Variants in GPX6 observed in about 807,000 individuals in gnomAD.
The protein encoded by GPX6 is glutathione peroxidase 6, also known as glutathione peroxidase 6 (olfactory).
Under a neutral mutation model 20.0 loss-of-function variants are expected in GPX6, and 21 were observed. That is an observed-to-expected ratio of 1.05 (90% CI 0.74 to 1.51). The LOEUF (loss-of-function observed/expected upper bound fraction) is 1.51, where lower values mean the gene tolerates loss of function less well. Among genes scored for constraint, GPX6 ranks in the 40% most tolerant of loss-of-function variants. The pLI, the probability that GPX6 is intolerant of heterozygous loss-of-function variation, is 0.00. For missense variants in GPX6, 233 were observed against 254.7 expected, an observed-to-expected ratio of 0.91 and a Z score of 0.58; for synonymous variants, 75 against 98.0, an observed-to-expected ratio of 0.77 and a Z score of 1.38.
At position 28,504,190 on chromosome 6, in the gene GPX6, T is replaced by C; in HGVS notation, c.*102A>G. The C allele has an allele frequency of 8.7e-7, 1 of 1,147,792 alleles. No homozygotes were observed. Among genetic ancestry groups the C allele is most frequent in the Non-Finnish European group, 1.3e-6 (1 of 785,118 alleles). The allele number at this position is 1,147,792 out of a possible 1,614,324, so 71.1% of individuals were successfully genotyped here. A position where few individuals can be genotyped will look rare whatever the true frequency, so the allele number is the denominator to read the frequency against. Reference sequence around the variant, plus strand: ...ATGGTTTGGTCATCAGGAGGCTGGGTAGGCACGAGTGTGGAGCAAAGAAGG... The same window carrying C: ...ATGGTTTGGTCATCAGGAGGCTGGGCAGGCACGAGTGTGGAGCAAAGAAGG... On this transcript the variant is annotated 3_prime_UTR_variant, in exon 5 of 5. Transcript: ENST00000361902.
chr6:28,508,077 C>A (rs1762823760), intron 2 of GPX6, among the ~76,000 whole-genome samples: 1 of 152,184 alleles, frequency 6.6e-6, no homozygotes, highest in African/African-American at 2.4e-5. Flanking sequence ...GAGAAGGGAA[C>A]ATGGCAAGTG....
intron 2 of GPX6, among the ~76,000 whole-genome samples, chr6:28,507,591 G>C (rs7743046): frequency 0.41 from 62,469 of 152,104 alleles, 14,222 homozygotes; most frequent in African/African-American, 0.61. Flanking sequence ...TTTTTAGACA[G>C]AGTCTCTCTG....
At chr6:28,507,405 A>G (rs536360949) in intron 2 of GPX6, among the ~76,000 whole-genome samples, 8 of 152,342 alleles carry the variant, frequency 5.3e-5, no homozygotes, top group Middle Eastern at 3.4e-3. Flanking sequence ...ACAGACCTTG[A>G]TTCTATTCCT....
intron 3 of GPX6, 83 bp from the exon 4 acceptor site, chr6:28,505,885 C>T (rs2113597769): frequency 1.0e-6 from 1 of 969,614 alleles, no homozygotes; most frequent in East Asian, 2.4e-5. Flanking sequence ...TTCACTACCA[C>T]AGGAAATTCA....
intron 1 of GPX6, among the ~76,000 whole-genome samples, chr6:28,511,382 G>T (rs758775115): frequency 1.3e-5 from 2 of 152,204 alleles, no homozygotes; most frequent in Non-Finnish European, 2.9e-5. Flanking sequence ...GCCTTTCCAG[G>T]CTTGCCAATG....
At chr6:28,504,606 T>A in intron 4 of GPX6, 108 bp from the exon 5 acceptor site, 1 of 911,456 alleles carries the variant, frequency 1.1e-6, no homozygotes, top group Non-Finnish European at 1.7e-6. Flanking sequence ...CACCATTATG[T>A]ATTTTAATAT....
chr6:28,511,826 G>C (rs1762882365), intron 1 of GPX6, among the ~76,000 whole-genome samples: 1 of 152,372 alleles, frequency 6.6e-6, no homozygotes, highest in Non-Finnish European at 1.5e-5. Flanking sequence ...CTCAGCTTCC[G>C]AGGAGTTGTG....
intron 1 of GPX6, among the ~76,000 whole-genome samples, chr6:28,511,922 C>T (rs1762884517): frequency 6.6e-6 from 1 of 152,158 alleles, no homozygotes; most frequent in Non-Finnish European, 1.5e-5. Context: ...CTCAGCGGGC[C>T]CCGCACTCGG....
At chr6:28,506,144 T>G (rs1205574784) in intron 3 of GPX6, among the ~76,000 whole-genome samples, 168 bp downstream of exon 3, 2 of 152,208 alleles carry the variant, frequency 1.3e-5, no homozygotes, top group Non-Finnish European at 2.9e-5. Context: ...AAAGAGAATA[T>G]TTGAGCACTG....
At chr6:28,515,144 G>C (rs34192187) in intron 1 of GPX6, among the ~76,000 whole-genome samples, 2,722 of 152,262 alleles carry the variant, frequency 0.018, 72 homozygotes, top group African/African-American at 0.055. Flanking sequence ...GGGGTGTGGT[G>C]GTGGGGAGCT....
intron 1 of GPX6, among the ~76,000 whole-genome samples, chr6:28,512,705 A>G (rs1298002237): frequency 6.6e-6 from 1 of 152,116 alleles, no homozygotes; most frequent in Admixed American, 6.6e-5. Context: ...GCTGCTGCTC[A>G]TTCTTGGGGT....
At chr6:28,505,980 G>A (rs1019086917) in intron 3 of GPX6, among the ~76,000 whole-genome samples, 178 bp from the exon 4 acceptor site, 9 of 152,164 alleles carry the variant, frequency 5.9e-5, no homozygotes, top group East Asian at 1.9e-4. Flanking sequence ...GCTTTATGGC[G>A]CCAATAGAGA....
intron 2 of GPX6, 132 bp from the exon 3 acceptor site, chr6:28,506,561 G>A: frequency 1.7e-6 from 1 of 594,358 alleles, no homozygotes; most frequent in South Asian, 2.2e-5. Flanking sequence ...CAAGGTTACA[G>A]AGATCAAAGG....
chr6:28,506,246 C>T, intron 3 of GPX6, 66 bp downstream of exon 3: 1 of 917,384 alleles, frequency 1.1e-6, no homozygotes, highest in Non-Finnish European at 1.8e-6. Flanking sequence ...AATAGGCAGG[C>T]ATCTAGGTGG....
chr6:28,512,858 T>C (rs6456822), intron 1 of GPX6, among the ~76,000 whole-genome samples: 62,263 of 151,702 alleles, frequency 0.41, 14,156 homozygotes, highest in African/African-American at 0.61. Context: ...CCGCGAGGCT[T>C]TGCAGCTTCA....
intron 1 of GPX6, among the ~76,000 whole-genome samples, chr6:28,511,410 G>C (rs913154098): frequency 6.6e-6 from 1 of 152,224 alleles, no homozygotes; most frequent in African/African-American, 2.4e-5. Context: ...CACTGGTGAT[G>C]GGGGAGGGGC....
At chr6:28,512,655 C>G (rs977777339) in intron 1 of GPX6, among the ~76,000 whole-genome samples, 2 of 152,214 alleles carry the variant, frequency 1.3e-5, no homozygotes, top group Admixed American at 1.3e-4. Context: ...CCCTTCCACA[C>G]TGTGGGAGCT....
At chr6:28,510,562 G>A (rs1762853495) in intron 2 of GPX6, among the ~76,000 whole-genome samples, 189 bp downstream of exon 2, 1 of 152,170 alleles carries the variant, frequency 6.6e-6, no homozygotes, top group South Asian at 2.1e-4. Context: ...GAAGGTCTTA[G>A]TTCTCAAATC....
chr6:28,510,868 C>T lies in GPX6; in HGVS notation c.124G>A (p.Glu42Lys). The T allele has an allele frequency of 6.2e-7, 1 of 1,613,400 alleles. No individual in the cohort carries two copies. The highest frequency in any genetic ancestry group is 1.7e-5 in the Admixed American group (1 of 59,996). The change falls in exon 2 of 5, where the codon GAG becomes AAG. Residue 42 changes from glutamate (E) to lysine (K), a missense_variant. Coordinates refer to ENST00000361902, the MANE Select transcript of GPX6 (RefSeq NM_182701.1). ...CNKGVTGTIY[E>K]YGALTLNGEE... ...CCGTTGAGGGTGAGGGCTCCATACTCATAGATGGTGCCTGTTACCCCTTTG... is the reference window on the plus strand; with the variant it reads ...CCGTTGAGGGTGAGGGCTCCATACTTATAGATGGTGCCTGTTACCCCTTTG...
Sources: allele counts gnomAD v4.1 joint callset (sites outside exome capture counted in the v4.1 genomes callset), GRCh38; gene constraint gnomAD v4.1.1; transcripts MANE v1.5; gene names NCBI Gene and HGNC (gene_info 2026-07-23, HGNC 2026-07-21).